The following PDE7A variants were observed in gnomAD, a reference collection of about 807,000 sequenced individuals.
PDE7A encodes the protein phosphodiesterase 7A, also known as high affinity 3',5'-cyclic-AMP phosphodiesterase 7A.
Under a neutral mutation model 64.3 loss-of-function variants are expected in PDE7A, and 39 were observed. The ratio of observed to expected loss-of-function variants is 0.61; its 90% CI spans 0.47 to 0.79. The LOEUF (loss-of-function observed/expected upper bound fraction) is 0.79. PDE7A is among the 30% of genes least tolerant of loss of function. PDE7A has a pLI of 0.00. For synonymous variants in PDE7A, 203 were observed against 206.8 expected (o/e 0.98, Z 0.16); for missense variants, 470 against 582.8 (o/e 0.81, Z 1.99).
At chr8:65,827,178 A>C (rs1265455943) in intron 1 of PDE7A, among the ~76,000 whole-genome samples, 1 of 152,190 alleles carries the variant, frequency 6.6e-6, no homozygotes, top group African/African-American at 2.4e-5. Flanking sequence ...CCAAGTGGTA[A>C]CCTTCCCGCT....
chr8:65,716,143 T>C lies in PDE7A; in HGVS notation c.*3147A>G, dbSNP rs1234812465. Among the ~76,000 whole-genome samples, 1 of 142,256 alleles carries C rather than the reference T, an allele frequency of 7.0e-6. No homozygotes were observed. The highest frequency in any genetic ancestry group is 1.5e-5 in the Non-Finnish European group (1 of 65,580). 93.3% of individuals were successfully genotyped at this position (142,256 alleles called of 152,430 possible). ...TCCAGCCTAGTTAGCAGCGAGACCC[T>C]GTCTCAAAAAAAAAAAAAAACAAAA... On this transcript the variant is annotated 3_prime_UTR_variant, in exon 13 of 13. Transcript: ENST00000401827.
intron 12 of PDE7A, chr8:65,723,201 T>C (rs542776320): frequency 3.8e-5 from 6 of 158,094 alleles, no homozygotes; most frequent in African/African-American, 1.4e-4. Context: ...TTTATTTATT[T>C]TATTTTTGTC....
chr8:65,794,502 T>C (rs886672104), intron 1 of PDE7A, among the ~76,000 whole-genome samples: 19 of 151,992 alleles, frequency 1.3e-4, no homozygotes, highest in African/African-American at 3.1e-4. Flanking sequence ...AATTATAACA[T>C]AGACATTAAG....
chr8:65,814,444 G>A (rs1810336541), intron 1 of PDE7A, among the ~76,000 whole-genome samples: 1 of 146,248 alleles, frequency 6.8e-6, no homozygotes, highest in South Asian at 2.2e-4. Context: ...CCGGGAGGCG[G>A]AGCTTGCAGT....
chr8:65,799,378 A>G (rs1450822280), intron 1 of PDE7A, among the ~76,000 whole-genome samples: 1 of 152,198 alleles, frequency 6.6e-6, no homozygotes, highest in African/African-American at 2.4e-5. Context: ...CAACCATAAT[A>G]GGGAGTCTGA....
chr8:65,784,117 G>T (rs140947086), intron 1 of PDE7A, among the ~76,000 whole-genome samples: 1 of 152,166 alleles, frequency 6.6e-6, no homozygotes, highest in Non-Finnish European at 1.5e-5. Flanking sequence ...GCTGAGGCAG[G>T]AGGATCCCTT....
At chr8:65,798,198 A>ATTTTTTTTTTTTTTTTTT in intron 1 of PDE7A, among the ~76,000 whole-genome samples, 1 of 21,616 alleles carries the variant, frequency 4.6e-5, no homozygotes, top group African/African-American at 2.2e-4. Flanking sequence ...ATATATATAT[A>ATTTTTTTTTTTTTTTTTT]TATATATATT....
chr8:65,777,205 A>G (rs1245352563), intron 3 of PDE7A, among the ~76,000 whole-genome samples: 1 of 148,824 alleles, frequency 6.7e-6, no homozygotes, highest in Non-Finnish European at 1.5e-5. Flanking sequence ...TCGGCCTCCC[A>G]AGTAGCTGGG....
intron 1 of PDE7A, among the ~76,000 whole-genome samples, chr8:65,830,625 T>C (rs1810794345): frequency 6.6e-6 from 1 of 152,258 alleles, no homozygotes; most frequent in Admixed American, 6.5e-5. Context: ...TTAATACTTA[T>C]TAAAATTTGT....
intron 12 of PDE7A, chr8:65,720,307 G>A (rs1222606879): frequency 3.2e-5 from 5 of 153,990 alleles, no homozygotes; most frequent in African/African-American, 1.2e-4. Context: ...TTATATATTG[G>A]GAACAAATAA....
At chr8:65,803,468 C>A (rs926190158) in intron 1 of PDE7A, among the ~76,000 whole-genome samples, 13 of 152,200 alleles carry the variant, frequency 8.5e-5, no homozygotes, top group Admixed American at 8.5e-4. Flanking sequence ...CATCAGTAAT[C>A]AGGTGTGCAT....
chr8:65,741,803 T>C (rs1340264545), intron 5 of PDE7A, among the ~76,000 whole-genome samples: 1 of 152,240 alleles, frequency 6.6e-6, no homozygotes, highest in East Asian at 1.9e-4. Flanking sequence ...GTTCTCCAAA[T>C]TGTTTTTCAA....
At chr8:65,807,928 T>C (rs1337011174) in intron 1 of PDE7A, among the ~76,000 whole-genome samples, 2 of 152,182 alleles carry the variant, frequency 1.3e-5, no homozygotes, top group Non-Finnish European at 2.9e-5. Flanking sequence ...GTAAATCTTA[T>C]TGTATACAAG....
rs544763406 is a variant in PDE7A at position 65,810,854 on chromosome 8, CAAGAA to C, written c.139-28016_139-28012del. 7.2e-5 allele frequency among the ~76,000 whole-genome samples: 11 copies of C among 151,934 alleles called. No individual in the cohort carries two copies. The South Asian group carries it at 1.7e-3, about 23-fold the overall frequency. ...TATTTGCAGGTGATTATGAAACAGA[CAAGAA>C]AAGGGACTGAAAAACTATTAGAAAC... On this transcript the variant is annotated intron_variant, in intron 1 of 12. Coordinates refer to ENST00000401827, the MANE Select transcript of PDE7A (RefSeq NM_001242318.3).
chr8:65,733,398 A>G (rs375167111), intron 7 of PDE7A, among the ~76,000 whole-genome samples: 72 of 152,254 alleles, frequency 4.7e-4, no homozygotes, highest in African/African-American at 1.5e-3. Context: ...TTACTCATCA[A>G]TCTCTCCCAC....
intron 12 of PDE7A, among the ~76,000 whole-genome samples, chr8:65,721,394 C>T (rs1388256075): frequency 6.6e-6 from 1 of 152,160 alleles, no homozygotes; most frequent in Non-Finnish European, 1.5e-5. Flanking sequence ...TGTTAAGAGG[C>T]TGGGATTTGA....
intron 3 of PDE7A, among the ~76,000 whole-genome samples, chr8:65,762,471 T>C (rs961824155): frequency 3.9e-5 from 6 of 152,264 alleles, no homozygotes; most frequent in Non-Finnish European, 8.8e-5. Context: ...GCTTAGGAAT[T>C]AGACACATCT....
At chr8:65,792,913 TACTG>T (rs1809739494) in intron 1 of PDE7A, among the ~76,000 whole-genome samples, 1 of 152,166 alleles carries the variant, frequency 6.6e-6, no homozygotes, top group Non-Finnish European at 1.5e-5. Flanking sequence ...CTTTCTGTAA[TACTG>T]ACTTAGAGCT....
At chr8:65,820,699 C>T (rs1278006105) in intron 1 of PDE7A, among the ~76,000 whole-genome samples, 1 of 151,208 alleles carries the variant, frequency 6.6e-6, no homozygotes, top group East Asian at 1.9e-4. Context: ...AAGCGATCCT[C>T]GTGCCTCAGC....
Sources: allele counts gnomAD v4.1 joint callset (sites outside exome capture counted in the v4.1 genomes callset), GRCh38; gene constraint gnomAD v4.1.1; transcripts MANE v1.5; gene names NCBI Gene and HGNC (gene_info 2026-07-23, HGNC 2026-07-21).